Variants in TEAD4 observed in about 807,000 individuals in gnomAD.
The protein encoded by TEAD4 is transcriptional enhancer factor TEF-3.
TEAD4 carries 36 observed loss-of-function variants against 52.4 expected under a neutral mutation model. The observed-to-expected ratio is 0.69, with a 90% CI of 0.53 to 0.91. The LOEUF is 0.91. TEAD4 is among the 40% of genes least tolerant of loss of function. The pLI is 0.00. For missense variants in TEAD4, 508 were observed against 583.9 expected (o/e 0.87, Z 1.34); for synonymous variants, 220 against 231.0 (o/e 0.95, Z 0.43).
At chr12:3,021,414 G>T (rs960276348) in intron 9 of TEAD4, among the ~76,000 whole-genome samples, 2 of 150,316 alleles carry the variant, frequency 1.3e-5, no homozygotes, top group African/African-American at 4.9e-5. Flanking sequence ...GAGTTCAAGC[G>T]ACTCTCCCGC....
Position 2,983,379 on chromosome 12 carries a change from C to T in TEAD4, c.-29-11359C>T, listed in dbSNP as rs554792153. 7.2e-5 allele frequency among the ~76,000 whole-genome samples: 11 copies of T among 152,266 alleles called. No homozygotes were observed. In the South Asian group the frequency reaches 2.3e-3, roughly 32 times the overall value. Reference sequence around the variant, plus strand: ...TTCCCCAGCCTTCTGAGCAGAGCCACACATGAAAGTCTGCAAGGTACTTCT... The same window carrying T: ...TTCCCCAGCCTTCTGAGCAGAGCCATACATGAAAGTCTGCAAGGTACTTCT... On this transcript the variant is annotated intron_variant, in intron 2 of 12. Transcript: ENST00000359864.
At chr12:3,038,774 G>A (rs911287162) in intron 11 of TEAD4, among the ~76,000 whole-genome samples, 4 of 152,158 alleles carry the variant, frequency 2.6e-5, no homozygotes, top group African/African-American at 9.7e-5. Flanking sequence ...AAAATCCTCT[G>A]TATTTTGGCC....
chr12:2,965,591 G>A (rs944221811), intron 2 of TEAD4, among the ~76,000 whole-genome samples: 14 of 151,868 alleles, frequency 9.2e-5, no homozygotes, highest in African/African-American at 3.1e-4. Flanking sequence ...TCGCTCTTTC[G>A]CCCAGGCTGG....
At chr12:3,008,224 T>A (rs898949341) in intron 3 of TEAD4, among the ~76,000 whole-genome samples, 26 of 151,718 alleles carry the variant, frequency 1.7e-4, no homozygotes, top group Admixed American at 3.9e-4. Context: ...CAGCCCTCAG[T>A]GGGGTGGTCA....
intron 2 of TEAD4, among the ~76,000 whole-genome samples, chr12:2,974,952 T>G (rs1311223133): frequency 2.0e-5 from 3 of 152,178 alleles, no homozygotes; most frequent in Non-Finnish European, 2.9e-5. Context: ...TTTTCAGATC[T>G]GCATTTTCCT....
chr12:2,984,817 G>A (rs574556538), intron 2 of TEAD4, among the ~76,000 whole-genome samples: 1 of 152,230 alleles, frequency 6.6e-6, no homozygotes, highest in African/African-American at 2.4e-5. Flanking sequence ...GATAACAAAT[G>A]GCACACCTGT....
At chr12:3,039,395 A>G (rs2098281315) in intron 11 of TEAD4, among the ~76,000 whole-genome samples, 1 of 152,242 alleles carries the variant, frequency 6.6e-6, no homozygotes, top group Non-Finnish European at 1.5e-5. Context: ...GTGGACAACC[A>G]GGAAATTGAC....
intron 3 of TEAD4, among the ~76,000 whole-genome samples, chr12:2,995,843 G>T (rs1360503660): frequency 6.6e-6 from 1 of 151,886 alleles, no homozygotes; most frequent in Non-Finnish European, 1.5e-5. Flanking sequence ...ACCATCTGGA[G>T]TAAAAATAAA....
chr12:3,005,224 C>T (rs919568101), intron 3 of TEAD4, among the ~76,000 whole-genome samples: 4 of 152,162 alleles, frequency 2.6e-5, no homozygotes, highest in African/African-American at 9.7e-5. Context: ...GCGGGCATGA[C>T]GGGGAGATGT....
intron 3 of TEAD4, among the ~76,000 whole-genome samples, chr12:2,998,219 C>T (rs2098248832): frequency 1.3e-5 from 2 of 152,132 alleles, no homozygotes; most frequent in South Asian, 4.1e-4. Flanking sequence ...GTATAGACCA[C>T]ATTCTGTTTA....
chr12:3,040,576 A>G lies in TEAD4; in HGVS notation c.*98A>G. On this transcript the variant is annotated 3_prime_UTR_variant, in exon 13 of 13. Coordinates refer to ENST00000359864, the MANE Select transcript of TEAD4 (RefSeq NM_003213.4). Reference sequence around the variant, plus strand: ...GGGCAGCCCCCTGAAGTGCCAAGAGAGCTGAGAGGAGCAGTTGTGACTCTA... The same window carrying G: ...GGGCAGCCCCCTGAAGTGCCAAGAGGGCTGAGAGGAGCAGTTGTGACTCTA... 9.5e-7 allele frequency: 1 copy of G among 1,050,256 alleles called. No homozygotes were observed. Among genetic ancestry groups the G allele is most frequent in the Non-Finnish European group, 1.4e-6 (1 of 698,892 alleles). The allele number at this position is 1,050,256 out of a possible 1,614,324, so 65.1% of individuals were successfully genotyped here.
chr12:2,971,196 C>A (rs191803261), intron 2 of TEAD4, among the ~76,000 whole-genome samples: 1 of 152,148 alleles, frequency 6.6e-6, no homozygotes, highest in South Asian at 2.1e-4. Flanking sequence ...GACGAAAGAA[C>A]GTGCACAAGC....
chr12:2,976,064 G>GC (rs1462649964), intron 2 of TEAD4, among the ~76,000 whole-genome samples: 4 of 151,124 alleles, frequency 2.6e-5, no homozygotes, highest in African/African-American at 9.7e-5. Flanking sequence ...GGAGTGCAGT[G>GC]GCATGATCTT....
At chr12:2,995,549 G>GC (rs970267027) in intron 3 of TEAD4, among the ~76,000 whole-genome samples, 12 of 151,726 alleles carry the variant, frequency 7.9e-5, no homozygotes, top group South Asian at 4.2e-4. Context: ...CCTAGGAAAG[G>GC]CCCCCCCCAA....
At chr12:3,033,749 G>A (rs1424130288) in intron 10 of TEAD4, among the ~76,000 whole-genome samples, 3 of 152,222 alleles carry the variant, frequency 2.0e-5, no homozygotes, top group African/African-American at 7.2e-5. Context: ...CGGAGGGAGG[G>A]TTGCAAGGGG....
intron 3 of TEAD4, among the ~76,000 whole-genome samples, chr12:2,997,393 G>A (rs2098248079): frequency 6.6e-6 from 1 of 152,190 alleles, no homozygotes; most frequent in Admixed American, 6.5e-5. Flanking sequence ...TGGAGCACCT[G>A]GGGGTGCCTG....
At chr12:3,023,783 A>T (rs141525911) in intron 10 of TEAD4, among the ~76,000 whole-genome samples, 3,239 of 97,042 alleles carry the variant, frequency 0.033, 132 homozygotes, top group African/African-American at 0.09. Flanking sequence ...ACAGAGCGAG[A>T]CTGTCTCAAA....
intron 10 of TEAD4, among the ~76,000 whole-genome samples, chr12:3,028,189 G>A (rs1225522447): frequency 6.6e-6 from 1 of 152,200 alleles, no homozygotes; most frequent in Non-Finnish European, 1.5e-5. Flanking sequence ...TGTACGGAGA[G>A]TCCACATTGT....
chr12:2,994,993 G>T lies in TEAD4; in HGVS notation c.226+1G>T. The T allele has an allele frequency of 6.2e-7, 1 of 1,613,642 alleles. No homozygotes were observed. Among genetic ancestry groups the T allele is most frequent in the Non-Finnish European group, 8.5e-7 (1 of 1,179,806 alleles). On this transcript the variant is annotated splice_donor_variant, in intron 3 of 12. Transcript: ENST00000359864. LOFTEE classifies it high-confidence loss of function. The surrounding 1 kb of genome is among the most constrained non-coding windows in gnomAD (Gnocchi z 4.7). ...CTGTCGGACGAGGGCAAGATGTATG[G>T]TAAGGAGCCCGTCGGGTTCAGCCCT...
Sources: allele counts gnomAD v4.1 joint callset (sites outside exome capture counted in the v4.1 genomes callset), GRCh38; gene constraint gnomAD v4.1.1; non-coding constraint Gnocchi (gnomAD v3.1); transcripts MANE v1.5; gene names NCBI Gene and HGNC (gene_info 2026-07-23, HGNC 2026-07-21).